The following DDI2 variants were observed in gnomAD, a reference collection of about 807,000 sequenced individuals.
DDI2 encodes the protein protein DDI1 homolog 2.
A neutral mutation model predicts 48.1 loss-of-function variants in DDI2; 5 were observed. The observed-to-expected ratio is 0.10, with a 90% CI of 0.05 to 0.22. DDI2 has a LOEUF of 0.22. Among genes scored for constraint, DDI2 ranks in the 10% least tolerant of loss-of-function variants. The probability of loss-of-function intolerance (pLI) is 1.00; values close to 1 mark genes in which losing one functional copy is unlikely to be tolerated. For missense variants in DDI2, 285 were observed against 506.2 expected, an observed-to-expected ratio of 0.56 and a Z score of 4.19; for synonymous variants, 205 against 183.6, an observed-to-expected ratio of 1.12 and a Z score of -0.94.
At position 15,661,430 on chromosome 1, in the gene DDI2, T is replaced by C; in HGVS notation, c.*1640T>C. ...TCTTTGTCATCCAATTTCATATTGG[T>C]TAAAGACTTAGGTCAGGGCATACAG... On this transcript the variant is annotated 3_prime_UTR_variant, in exon 10 of 10. Transcript: ENST00000480945. 1 of 1,614,134 alleles carries C rather than the reference T, an allele frequency of 6.2e-7. No homozygotes were observed. Among genetic ancestry groups the C allele is most frequent in the Non-Finnish European group, 8.5e-7 (1 of 1,180,030 alleles).
intron 5 of DDI2, among the ~76,000 whole-genome samples, chr1:15,641,935 A>G (rs553256797): frequency 2.0e-5 from 3 of 146,848 alleles, no homozygotes; most frequent in Non-Finnish European, 4.5e-5. Context: ...AGCCTGGGCA[A>G]CAAGAGTGAA....
chr1:15,660,470 A>G lies in DDI2; in HGVS notation c.*680A>G, dbSNP rs1640351317. The G allele has an allele frequency of 6.2e-7, 1 of 1,613,952 alleles. No individual in the cohort carries two copies. ...ATAGGGGACCTTGAGCTTCCTGAAG[A>G]AAGGCAACAGAATCAACACAAAATT... On this transcript the variant is annotated 3_prime_UTR_variant, in exon 10 of 10. Coordinates refer to ENST00000480945, the MANE Select transcript of DDI2 (RefSeq NM_032341.5).
In DDI2 at chr1:15,660,532, C is replaced by T; in HGVS notation, c.*742C>T. The T allele has an allele frequency of 6.2e-7, 1 of 1,613,114 alleles. No individual in the cohort carries two copies. Among genetic ancestry groups the T allele is most frequent in the Non-Finnish European group, 8.5e-7 (1 of 1,179,816 alleles). Reference sequence around the variant, plus strand: ...AGCTACGATGAAAGGAAATGGGCTCCCACAGAATGTGGATCCTCCAAGTGC... The same window carrying T: ...AGCTACGATGAAAGGAAATGGGCTCTCACAGAATGTGGATCCTCCAAGTGC... On this transcript the variant is annotated 3_prime_UTR_variant, in exon 10 of 10. Coordinates refer to ENST00000480945, the MANE Select transcript of DDI2 (RefSeq NM_032341.5).
At chr1:15,658,464 A>G (rs1237434640) in intron 9 of DDI2, among the ~76,000 whole-genome samples, 2 of 148,114 alleles carry the variant, frequency 1.4e-5, no homozygotes, top group Non-Finnish European at 3.0e-5. Flanking sequence ...TTGATTTTTA[A>G]TTAAAGATCT....
At chr1:15,624,474 T>C (rs1481964006) in intron 1 of DDI2, among the ~76,000 whole-genome samples, 7 of 152,126 alleles carry the variant, frequency 4.6e-5, no homozygotes, top group Admixed American at 6.5e-5. Context: ...TTGTTTGTTT[T>C]TGTTTTTTAA....
At chr1:15,618,323 T>G (rs893060918) in intron 1 of DDI2, among the ~76,000 whole-genome samples, 2 of 151,936 alleles carry the variant, frequency 1.3e-5, no homozygotes, top group East Asian at 3.9e-4. Flanking sequence ...TGCACAGATT[T>G]GCACTTCCGG....
At chr1:15,657,352 A>G (rs954986723) in intron 9 of DDI2, among the ~76,000 whole-genome samples, 1 of 152,242 alleles carries the variant, frequency 6.6e-6, no homozygotes, top group African/African-American at 2.4e-5. Flanking sequence ...ACTTTGTAGG[A>G]GTTTGCAAGC....
chr1:15,629,509 A>G (rs979264076), intron 2 of DDI2, among the ~76,000 whole-genome samples: 1 of 151,542 alleles, frequency 6.6e-6, no homozygotes, highest in African/African-American at 2.4e-5. Context: ...AGGCAGGAGA[A>G]TCACTTGAAC....
At chr1:15,626,024 A>G (rs1639748681) in intron 1 of DDI2, among the ~76,000 whole-genome samples, 1 of 152,248 alleles carries the variant, frequency 6.6e-6, no homozygotes. Context: ...CAAAGTGCAC[A>G]CTTTATTTAA....
intron 4 of DDI2, among the ~76,000 whole-genome samples, chr1:15,636,317 G>A (rs549865402): frequency 1.3e-5 from 2 of 152,180 alleles, no homozygotes; most frequent in South Asian, 2.1e-4. Flanking sequence ...TTGTAGAGAC[G>A]AGGTTTCGCC....
intron 8 of DDI2, among the ~76,000 whole-genome samples, chr1:15,652,551 C>T (rs1286398661): frequency 3.0e-5 from 4 of 131,454 alleles, no homozygotes; most frequent in Admixed American, 8.0e-5. Context: ...TGGCCAGGCG[C>T]GGTGGCTCAC....
At chr1:15,652,387 CTG>C (rs1030235416) in intron 8 of DDI2, among the ~76,000 whole-genome samples, 2 of 133,760 alleles carry the variant, frequency 1.5e-5, no homozygotes, top group Non-Finnish European at 3.1e-5. Flanking sequence ...ATGAAAAAGT[CTG>C]TATTCTGGCC....
Position 15,661,407 on chromosome 1 carries a change from TTTGTCA to T in DDI2, c.*1619_*1624del, listed in dbSNP as rs774949875. On this transcript the variant is annotated 3_prime_UTR_variant, in exon 10 of 10. Coordinates refer to ENST00000480945, the MANE Select transcript of DDI2 (RefSeq NM_032341.5). ...ATCAGACTTCTGAGCAAACTAAGTC[TTTGTCA>T]TCCAATTTCATATTGGTTAAAGACT... 1.3e-5 allele frequency: 21 copies of T among 1,614,218 alleles called. 1 individual carries two copies. In the Admixed American group the frequency reaches 3.5e-4, roughly 27 times the overall value.
rs1210093830 is a variant in DDI2, at chr1:15,660,447, A to G, written c.*657A>G. 6.2e-6 allele frequency: 10 copies of G among 1,614,132 alleles called. No homozygotes were observed. Among genetic ancestry groups the G allele is most frequent in the Non-Finnish European group, 8.5e-6 (10 of 1,180,028 alleles). ...ATGACCAAGAATATCTTTGTAACAT[A>G]GGGGACCTTGAGCTTCCTGAAGAAA... On this transcript the variant is annotated 3_prime_UTR_variant, in exon 10 of 10. Transcript: ENST00000480945.
At chr1:15,641,528 A>T (rs1640007393) in intron 5 of DDI2, among the ~76,000 whole-genome samples, 2 of 152,096 alleles carry the variant, frequency 1.3e-5, no homozygotes. Context: ...GATCTGGAAA[A>T]TTCTGTACCC....
At chr1:15,653,824 A>G (rs1425195823) in intron 8 of DDI2, among the ~76,000 whole-genome samples, 1 of 152,200 alleles carries the variant, frequency 6.6e-6, no homozygotes, top group Admixed American at 6.5e-5. Context: ...CTGAAAATGC[A>G]GTGTTATGGT....
chr1:15,636,934 C>T (rs539173686), intron 4 of DDI2, among the ~76,000 whole-genome samples: 152 of 152,332 alleles, frequency 1.0e-3, no homozygotes, highest in African/African-American at 3.5e-3. Flanking sequence ...TTTGCCTAAA[C>T]AGCAGGCTAT....
chr1:15,651,011 C>T (rs958260428), intron 7 of DDI2, among the ~76,000 whole-genome samples: 3 of 152,180 alleles, frequency 2.0e-5, no homozygotes, highest in Admixed American at 1.3e-4. Flanking sequence ...CCCATCACCA[C>T]GCCCGGCTAA....
rs150023123 is a variant in DDI2, at chr1:15,652,693, G to A, written c.1183+798G>A. ...AAAAAATTAGCCGGGCGTAGTGGTA[G>A]GCGCCTGTATTCCCAGCTACTCAGG... On this transcript the variant is annotated intron_variant, in intron 8 of 9. Transcript: ENST00000480945. Among the ~76,000 whole-genome samples the A allele has an allele frequency of 2.4e-3, 367 of 152,082 alleles. 1 individual carries two copies. Among genetic ancestry groups the A allele is most frequent in the African/African-American group, 8.5e-3 (352 of 41,492 alleles).
Sources: gnomAD v4.1 joint callset for allele counts (sites outside exome capture counted in the v4.1 genomes callset) on GRCh38, gnomAD v4.1.1 for gene constraint, MANE v1.5 for transcripts, NCBI Gene and HGNC (gene_info 2026-07-23, HGNC 2026-07-21) for gene names.